The following TBC1D16 variants were observed in gnomAD, a reference collection of about 807,000 sequenced individuals.
TBC1D16 encodes CTD-2529O21.1.
In TBC1D16, 58 loss-of-function variants were observed where a neutral mutation model predicts 74.7. The ratio of observed to expected loss-of-function variants is 0.78; its 90% CI spans 0.63 to 0.97. The LOEUF (loss-of-function observed/expected upper bound fraction) is 0.97, where lower values mean the gene tolerates loss of function less well. TBC1D16 is among the 50% of genes least tolerant of loss of function. The probability of loss-of-function intolerance (pLI) is 0.00; values close to 1 mark genes in which losing one functional copy is unlikely to be tolerated. For missense variants in TBC1D16, 1,014 were observed against 1,079.5 expected, an observed-to-expected ratio of 0.94 and a Z score of 0.85; for synonymous variants, 493 against 474.7, an observed-to-expected ratio of 1.04 and a Z score of -0.50.
chr17:80,008,755 CA>C lies in TBC1D16; in HGVS notation c.779+1404del, dbSNP rs766739225. Among the ~76,000 whole-genome samples the C allele has an allele frequency of 2.0e-5, 3 of 152,222 alleles. No individual in the cohort carries two copies. The highest frequency in any genetic ancestry group is 2.4e-5 in the African/African-American group (1 of 41,458). On this transcript the variant is annotated intron_variant, in intron 3 of 11. Coordinates refer to ENST00000310924, the MANE Select transcript of TBC1D16 (RefSeq NM_019020.4). This position sits in a 1 kb window ranked among gnomAD's most constrained non-coding sequence, Gnocchi z 4.5. ...ACGGCTTCCTTTTATCTGCACTCTCCAATAACTGAGATGAATGTTATCGGTT... is the reference window on the plus strand; with the variant it reads ...ACGGCTTCCTTTTATCTGCACTCTCCATAACTGAGATGAATGTTATCGGTT...
chr17:80,018,105 C>T (rs1455297245), intron 1 of TBC1D16, among the ~76,000 whole-genome samples: 4 of 150,886 alleles, frequency 2.7e-5, no homozygotes, highest in Non-Finnish European at 4.4e-5. Flanking sequence ...AATTGCTCGC[C>T]GTCCTCTAGA....
rs773835984 is a variant in TBC1D16 at position 79,952,802 on chromosome 17, C to T, written c.796G>A (p.Asp266Asn). 60 of 1,608,936 alleles carry T rather than the reference C, an allele frequency of 3.7e-5. No individual in the cohort carries two copies. The highest frequency in any genetic ancestry group is 1.7e-4 in the Admixed American group (10 of 59,810). The change falls in exon 4 of 12, where the codon GAC becomes AAC. Residue 266 changes from aspartate to asparagine, a missense_variant. Physicochemically the swap from Asp to Asn is conservative, Grantham distance 23. Transcript: ENST00000310924. ...CTGTCCGGGAACCGCAGGCCGGCGT[C>T]GGAGCTGGACGGGGGGCTGGTGGAA... ...ESDSSPPSSS[D>N]AGLRFPDSNG...
At chr17:79,943,094 G>A (rs7213604) in intron 10 of TBC1D16, among the ~76,000 whole-genome samples, 29,286 of 152,226 alleles carry the variant, frequency 0.19, 2,868 homozygotes, top group African/African-American at 0.22. Context: ...CAGACGGAAC[G>A]GTGTCCCCGG....
rs1436826709 is a variant in TBC1D16, at chr17:79,971,848, T to G, written c.780-19030A>C. Among the ~76,000 whole-genome samples, 1 of 152,074 alleles carries G rather than the reference T, an allele frequency of 6.6e-6. No individual in the cohort carries two copies. The highest frequency in any genetic ancestry group is 2.4e-5 in the African/African-American group (1 of 41,416). On this transcript the variant is annotated intron_variant, in intron 3 of 11. Coordinates refer to ENST00000310924, the MANE Select transcript of TBC1D16 (RefSeq NM_019020.4). This position sits in a 1 kb window ranked among gnomAD's most constrained non-coding sequence, Gnocchi z 4.6. ...GGTAGGGATGGGGGCTCTGGAAGGC[T>G]TCCTCTCGGAGCAGGTGGCATGGGG...
At chr17:80,025,135 T>A (rs1398812947) in intron 1 of TBC1D16, among the ~76,000 whole-genome samples, 1 of 89,686 alleles carries the variant, frequency 1.1e-5, no homozygotes, top group Non-Finnish European at 2.1e-5. Flanking sequence ...ACACACACCA[T>A]AGGCACACAC....
chr17:79,984,962 G>A (rs893871442), intron 3 of TBC1D16, among the ~76,000 whole-genome samples: 49 of 151,064 alleles, frequency 3.2e-4, no homozygotes, highest in Admixed American at 3.0e-3. Flanking sequence ...TGGGGGCTGC[G>A]TTTTGGTGGT....
At position 79,941,947 on chromosome 17, in the gene TBC1D16, G is replaced by A; in HGVS notation, c.2055+113C>T. The A allele has an allele frequency of 9.9e-7, 1 of 1,005,644 alleles. No individual in the cohort carries two copies. Among genetic ancestry groups the A allele is most frequent in the South Asian group, 1.6e-5 (1 of 64,164 alleles). The allele number at this position is 1,005,644 out of a possible 1,614,324, so 62.3% of individuals were successfully genotyped here. On this transcript the variant is annotated intron_variant, in intron 11 of 11. Transcript: ENST00000310924. This position sits in a 1 kb window ranked among gnomAD's most constrained non-coding sequence, Gnocchi z 4.3. ...TGCTGGGGGGCCATGGTGGGGATGGGGCTCTGGGGGCGGGGCCCACATCTG... is the reference window on the plus strand; with the variant it reads ...TGCTGGGGGGCCATGGTGGGGATGGAGCTCTGGGGGCGGGGCCCACATCTG...
chr17:79,979,370 G>A lies in TBC1D16; in HGVS notation c.780-26552C>T, dbSNP rs935833525. Among the ~76,000 whole-genome samples, 1 of 152,182 alleles carries A rather than the reference G, an allele frequency of 6.6e-6. No individual in the cohort carries two copies. The highest frequency in any genetic ancestry group is 2.4e-5 in the African/African-American group (1 of 41,464). ...CTGGACCCCAGCAGAGGGATCAAGG[G>A]CTCAGGCATCCCCAGTGCCGCCAAT... is the stretch of plus-strand genomic sequence containing the variant. On this transcript the variant is annotated intron_variant, in intron 3 of 11. Transcript: ENST00000310924. This position sits in a 1 kb window ranked among gnomAD's most constrained non-coding sequence, Gnocchi z 4.8.
In TBC1D16 at chr17:79,979,934, G is replaced by A. The variant is rs763896350; in HGVS notation, c.780-27116C>T. 9.9e-5 allele frequency among the ~76,000 whole-genome samples: 15 copies of A among 152,130 alleles called. No individual in the cohort carries two copies. Among genetic ancestry groups the A allele is most frequent in the Non-Finnish European group, 2.1e-4 (14 of 68,022 alleles). On this transcript the variant is annotated intron_variant, in intron 3 of 11. Transcript: ENST00000310924. This position sits in a 1 kb window ranked among gnomAD's most constrained non-coding sequence, Gnocchi z 4.8. ...TTGGGGCGCAGGAGGCCAAGGTCCA[G>A]GTCCCAGACACATCCATTATGGCCA...
chr17:79,961,986 G>A lies in TBC1D16; in HGVS notation c.780-9168C>T, dbSNP rs1005276311. Reference sequence around the variant, plus strand: ...ACATACCATGGCATACTACTCAGCTGTAACACGCAGTAGCATGGACGCATG... The same window carrying A: ...ACATACCATGGCATACTACTCAGCTATAACACGCAGTAGCATGGACGCATG... On this transcript the variant is annotated intron_variant, in intron 3 of 11. Coordinates refer to ENST00000310924, the MANE Select transcript of TBC1D16 (RefSeq NM_019020.4). This position sits in a 1 kb window ranked among gnomAD's most constrained non-coding sequence, Gnocchi z 4.8. Among the ~76,000 whole-genome samples the A allele has an allele frequency of 6.6e-6, 1 of 152,152 alleles. No homozygotes were observed. The highest frequency in any genetic ancestry group is 1.5e-5 in the Non-Finnish European group (1 of 68,020).
intron 3 of TBC1D16, among the ~76,000 whole-genome samples, chr17:79,976,580 A>T (rs2034340566): frequency 6.6e-6 from 1 of 152,162 alleles, no homozygotes; most frequent in African/African-American, 2.4e-5. Context: ...CCGTGCAAAG[A>T]CCAGCTTAGG....
At chr17:80,028,558 T>C (rs927137462) in intron 1 of TBC1D16, among the ~76,000 whole-genome samples, 1 of 151,260 alleles carries the variant, frequency 6.6e-6, no homozygotes, top group Admixed American at 6.6e-5. Context: ...AAGAATGATT[T>C]TAGAAGGCAA....
At position 80,013,590 on chromosome 17, in the gene TBC1D16, C is replaced by A. The variant is rs2035980654; in HGVS notation, c.-43G>T. ...CATCCTCCGCATGCGTCGGCCCGGG[C>A]AGGGCTCGTCAAGACCTGCCTGGGG... On this transcript the variant is annotated 5_prime_UTR_variant, in exon 2 of 12. Transcript: ENST00000310924. 1.4e-6 allele frequency: 2 copies of A among 1,450,468 alleles called. No homozygotes were observed. Among genetic ancestry groups the A allele is most frequent in the South Asian group, 1.5e-5 (1 of 68,634 alleles). The allele number at this position is 1,450,468 out of a possible 1,614,324, so 89.8% of individuals were successfully genotyped here.
In TBC1D16 at chr17:79,938,906, C is replaced by G. The variant is rs1335096728; in HGVS notation, c.*1953G>C. 1 of 152,442 alleles carries G rather than the reference C, an allele frequency of 6.6e-6. No individual in the cohort carries two copies. The highest frequency in any genetic ancestry group is 1.5e-5 in the Non-Finnish European group (1 of 68,134). 9.4% of individuals were successfully genotyped at this position (152,442 alleles called of 1,614,324 possible). ...CACAGAGCAGGGCCAGGTCCGACCT[C>G]TGCACCATGAGCATCCCCTGGGACT... On this transcript the variant is annotated 3_prime_UTR_variant, in exon 12 of 12. Transcript: ENST00000310924.
Position 79,954,904 on chromosome 17 carries a change from C to G in TBC1D16, c.780-2086G>C, listed in dbSNP as rs576901109. 5.2e-4 allele frequency among the ~76,000 whole-genome samples: 79 copies of G among 152,232 alleles called. No individual in the cohort carries two copies. The highest frequency in any genetic ancestry group is 1.0e-3 in the Non-Finnish European group (70 of 67,996). The stretch of plus-strand genomic sequence containing the variant: ...TGGCCCACTCACCCTACAGGGCAGG[C>G]CAAGGTTTCCAGAAACCAGACAGAA... On this transcript the variant is annotated intron_variant, in intron 3 of 11. Transcript: ENST00000310924. The surrounding 1 kb of genome is among the most constrained non-coding windows in gnomAD (Gnocchi z 5.5).
At position 79,940,960 on chromosome 17, in the gene TBC1D16, A is replaced by G; in HGVS notation, c.2203T>C (p.Cys735Arg). 1 of 1,603,482 alleles carries G rather than the reference A, an allele frequency of 6.2e-7. No individual in the cohort carries two copies. Among genetic ancestry groups the G allele is most frequent in the Non-Finnish European group, 8.5e-7 (1 of 1,175,712 alleles). ...CTGHHPGSESCPYGGTVEMPS... is the reference protein window; with the variant it reads ...CTGHHPGSESRPYGGTVEMPS... Reference sequence around the variant, plus strand: ...ATCTCCACCGTGCCCCCGTAGGGACAGCTCTCCGAGCCGGGATGGTGGCCG... The same window carrying G: ...ATCTCCACCGTGCCCCCGTAGGGACGGCTCTCCGAGCCGGGATGGTGGCCG... The change falls in exon 12 of 12, where the codon TGT becomes CGT. Residue 735 changes from cysteine (C) to arginine (R), a missense_variant. Cys to Arg is a radical substitution (Grantham distance 180, BLOSUM62 -3). Coordinates refer to ENST00000310924, the MANE Select transcript of TBC1D16 (RefSeq NM_019020.4). This position sits in a 1 kb window ranked among gnomAD's most constrained non-coding sequence, Gnocchi z 5.4.
At chr17:79,964,107 C>A (rs2033740252) in intron 3 of TBC1D16, among the ~76,000 whole-genome samples, 1 of 152,166 alleles carries the variant, frequency 6.6e-6, no homozygotes, top group Admixed American at 6.5e-5. Flanking sequence ...TCCCAAGTAG[C>A]TGGGATTACA....
chr17:79,957,733 CAT>C (rs2033401378), intron 3 of TBC1D16, among the ~76,000 whole-genome samples: 1 of 151,214 alleles, frequency 6.6e-6, no homozygotes, highest in African/African-American at 2.4e-5. Context: ...TGAGTCGTAA[CAT>C]GTGTCCCACT....
intron 3 of TBC1D16, among the ~76,000 whole-genome samples, chr17:79,974,501 G>C (rs1413408398): frequency 6.6e-6 from 1 of 152,172 alleles, no homozygotes; most frequent in African/African-American, 2.4e-5. Context: ...GCCTCCCCAA[G>C]TGCTGGAATT....
Sources: allele counts gnomAD v4.1 joint callset (sites outside exome capture counted in the v4.1 genomes callset), GRCh38; gene constraint gnomAD v4.1.1; non-coding constraint Gnocchi (gnomAD v3.1); transcripts MANE v1.5; gene names NCBI Gene and HGNC (gene_info 2026-07-23, HGNC 2026-07-21).